Variants in KCNIP4 observed in about 807,000 individuals in gnomAD.
KCNIP4 encodes the protein potassium voltage-gated channel interacting protein 4.
A neutral mutation model predicts 34.0 loss-of-function variants in KCNIP4; 12 were observed. That is an observed-to-expected ratio of 0.35 (90% CI 0.23 to 0.57). The LOEUF (loss-of-function observed/expected upper bound fraction) is 0.57. Ranked by LOEUF, KCNIP4 falls within the 20% of genes least tolerant of loss-of-function variation. KCNIP4 has a pLI of 0.83. For synonymous variants in KCNIP4, 124 were observed against 102.2 expected (o/e 1.21, Z -1.29); for missense variants, 238 against 311.7 (o/e 0.76, Z 1.78).
intron 1 of KCNIP4, among the ~76,000 whole-genome samples, chr4:21,439,161 C>CAAAA (rs76317670): frequency 1.1e-5 from 1 of 93,272 alleles, no homozygotes; most frequent in Admixed American, 1.3e-4. Flanking sequence ...TAATCTGTCT[C>CAAAA]AAAAAAAAAA....
intron 1 of KCNIP4, among the ~76,000 whole-genome samples, chr4:21,599,516 T>G (rs528485747): frequency 3.2e-4 from 49 of 152,222 alleles, no homozygotes; most frequent in African/African-American, 1.1e-3. Flanking sequence ...CAGACTGTGT[T>G]AAGTACCATA....
At chr4:20,938,264 C>G (rs4697199) in intron 1 of KCNIP4, among the ~76,000 whole-genome samples, 122,512 of 150,862 alleles carry the variant, frequency 0.81, 49,889 homozygotes, top group African/African-American at 0.85. Context: ...TCAGGAGAAG[C>G]CAAGGCAAAG....
chr4:21,754,334 T>A (rs760445460), intron 1 of KCNIP4, among the ~76,000 whole-genome samples: 24 of 152,204 alleles, frequency 1.6e-4, no homozygotes, highest in Non-Finnish European at 2.6e-4. Flanking sequence ...ACCAAGCTTA[T>A]TTATTTATTA....
At chr4:20,788,287 GT>G (rs796361451) in intron 3 of KCNIP4, among the ~76,000 whole-genome samples, 128 of 152,236 alleles carry the variant, frequency 8.4e-4, no homozygotes, top group African/African-American at 2.9e-3. Flanking sequence ...CAATGAAAAG[GT>G]TATGTTAAAA....
At chr4:21,043,546 C>T (rs538743427) in intron 1 of KCNIP4, among the ~76,000 whole-genome samples, 1 of 151,470 alleles carries the variant, frequency 6.6e-6, no homozygotes, top group African/African-American at 2.4e-5. Flanking sequence ...GCCATGTTGG[C>T]CAGGCTGGTC....
intron 1 of KCNIP4, among the ~76,000 whole-genome samples, chr4:21,246,540 G>A (rs1284072783): frequency 6.6e-6 from 1 of 152,176 alleles, no homozygotes; most frequent in African/African-American, 2.4e-5. Flanking sequence ...AGGCCACACA[G>A]TTGCTATGAG....
intron 3 of KCNIP4, among the ~76,000 whole-genome samples, chr4:20,769,479 T>C (rs1039034788): frequency 6.6e-6 from 1 of 152,154 alleles, no homozygotes; most frequent in Admixed American, 6.5e-5. Flanking sequence ...TTAAAAATTA[T>C]GATGTAGTGA....
rs146036414 is a variant in KCNIP4, at chr4:21,186,096, A to G, written c.62-303387T>C. On this transcript the variant is annotated intron_variant, in intron 1 of 8. Coordinates refer to ENST00000382152, the MANE Select transcript of KCNIP4 (RefSeq NM_025221.6). The stretch of plus-strand genomic sequence containing the variant: ...CTGTCTATTTCTATTTGACTTTCTG[A>G]TCATGTGTCCACTTTTCCAAGCTTA... Among the ~76,000 whole-genome samples the G allele has an allele frequency of 4.8e-3, 726 of 152,194 alleles. 5 individuals carry two copies. Among genetic ancestry groups the G allele is most frequent in the African/African-American group, 0.017 (699 of 41,534 alleles).
intron 1 of KCNIP4, among the ~76,000 whole-genome samples, chr4:21,300,129 C>T (rs1764074923): frequency 6.6e-6 from 1 of 152,066 alleles, no homozygotes. Flanking sequence ...AATTCAGTAA[C>T]TGCTTCAGCA....
chr4:20,953,088 G>T (rs1022324255), intron 1 of KCNIP4, among the ~76,000 whole-genome samples: 5 of 152,188 alleles, frequency 3.3e-5, no homozygotes, highest in Admixed American at 1.3e-4. Context: ...TATGAATTTT[G>T]GAGGGACACA....
At chr4:20,993,159 T>C (rs1237644369) in intron 1 of KCNIP4, among the ~76,000 whole-genome samples, 1 of 151,980 alleles carries the variant, frequency 6.6e-6, no homozygotes, top group Non-Finnish European at 1.5e-5. Context: ...GGCACAGGAC[T>C]GGGAGCCAGA....
At position 21,489,997 on chromosome 4, in the gene KCNIP4, A is replaced by C. The variant is rs144213443; in HGVS notation, c.61+458574T>G. Among the ~76,000 whole-genome samples the C allele has an allele frequency of 4.8e-3, 728 of 152,298 alleles. 8 individuals are homozygous for C. The highest frequency in any genetic ancestry group is 0.017 in the African/African-American group (694 of 41,582). On this transcript the variant is annotated intron_variant, in intron 1 of 8. Transcript: ENST00000382152. ...TCTGAGCAGTTAATTTACTTTTTGCATAATGCTACAGAAGAATTTTGAGAA... is the reference window on the plus strand; with the variant it reads ...TCTGAGCAGTTAATTTACTTTTTGCCTAATGCTACAGAAGAATTTTGAGAA...
At chr4:21,798,934 CA>C (rs1377541124) in intron 1 of KCNIP4, among the ~76,000 whole-genome samples, 1 of 151,748 alleles carries the variant, frequency 6.6e-6, no homozygotes, top group Non-Finnish European at 1.5e-5. Context: ...AATTCATTTC[CA>C]ATCTTTGGCT....
At chr4:21,645,873 T>C (rs1746975747) in intron 1 of KCNIP4, among the ~76,000 whole-genome samples, 1 of 152,180 alleles carries the variant, frequency 6.6e-6, no homozygotes, top group South Asian at 2.1e-4. Flanking sequence ...GACTCTATAA[T>C]TAGGTGATGA....
At chr4:20,833,796 G>C (rs1482681261) in intron 3 of KCNIP4, among the ~76,000 whole-genome samples, 1 of 152,140 alleles carries the variant, frequency 6.6e-6, no homozygotes, top group Non-Finnish European at 1.5e-5. Context: ...CCTGCAGACT[G>C]AATTTTAGAC....
At chr4:21,235,729 T>A (rs140355936) in intron 1 of KCNIP4, among the ~76,000 whole-genome samples, 3,126 of 152,326 alleles carry the variant, frequency 0.021, 50 homozygotes, top group Non-Finnish European at 0.03. Flanking sequence ...TTCTTTGGCT[T>A]AACAATATCA....
chr4:21,632,645 AAGACATACAAAGT>A (rs1745847254), intron 1 of KCNIP4, among the ~76,000 whole-genome samples: 1 of 152,210 alleles, frequency 6.6e-6, no homozygotes, highest in Non-Finnish European at 1.5e-5. Flanking sequence ...ACTTCAGTGC[AAGACATACAAAGT>A]AGAACCATGT....
At chr4:21,917,476 C>T (rs1728699724) in intron 1 of KCNIP4, among the ~76,000 whole-genome samples, 1 of 152,094 alleles carries the variant, frequency 6.6e-6, no homozygotes, top group African/African-American at 2.4e-5. Flanking sequence ...AATTCAAAGG[C>T]ACACAGATAC....
At chr4:21,449,913 G>A (rs1032474755) in intron 1 of KCNIP4, among the ~76,000 whole-genome samples, 2 of 151,852 alleles carry the variant, frequency 1.3e-5, no homozygotes, top group African/African-American at 2.4e-5. Context: ...TTCCATCTCT[G>A]TATAAATCCA....
Sources: gnomAD v4.1 joint callset for allele counts (sites outside exome capture counted in the v4.1 genomes callset) on GRCh38, gnomAD v4.1.1 for gene constraint, MANE v1.5 for transcripts, NCBI Gene and HGNC (gene_info 2026-07-23, HGNC 2026-07-21) for gene names.